MASP1: variants seen among roughly 807,000 people sequenced by gnomAD.
The protein encoded by MASP1 is mannan-binding lectin serine protease 1.
Under a neutral mutation model 77.1 loss-of-function variants are expected in MASP1, and 59 were observed. That is an observed-to-expected ratio of 0.77 (90% CI 0.62 to 0.95). The LOEUF is 0.95. Among genes scored for constraint, MASP1 ranks in the 40% least tolerant of loss-of-function variants. MASP1 has a pLI of 0.00. For missense variants in MASP1, 885 were observed against 912.9 expected (o/e 0.97, Z 0.39); for synonymous variants, 362 against 354.5 (o/e 1.02, Z -0.24).
intron 1 of MASP1, among the ~76,000 whole-genome samples, chr3:187,287,644 T>C (rs945104782): frequency 2.6e-5 from 4 of 152,210 alleles, no homozygotes; most frequent in Admixed American, 6.5e-5. Flanking sequence ...CTAAAGGTGA[T>C]GTATATAAAG....
rs1471127862 is a variant in MASP1 at position 187,234,704 on chromosome 3, C to T, written c.*980G>A. 2.3e-6 allele frequency: 3 copies of T among 1,287,094 alleles called. No individual in the cohort carries two copies. Among genetic ancestry groups the T allele is most frequent in the Non-Finnish European group, 3.0e-6 (3 of 988,704 alleles). The allele number at this position is 1,287,094 out of a possible 1,614,324, so 79.7% of individuals were successfully genotyped here. A position where few individuals can be genotyped will look rare whatever the true frequency, so the allele number is the denominator to read the frequency against. On this transcript the variant is annotated 3_prime_UTR_variant, in exon 11 of 11. Transcript: ENST00000296280. ...GGATTTGGGTGACTTCTAATGTGCCCACCCCACTCTTTCTTCCATTTTCCT... is the reference window on the plus strand; with the variant it reads ...GGATTTGGGTGACTTCTAATGTGCCTACCCCACTCTTTCTTCCATTTTCCT...
At position 187,236,176 on chromosome 3, in the gene MASP1, C is replaced by T. The variant is rs1553852641; in HGVS notation, c.1695G>A (p.Leu565=). Residue 565 remains leucine, a synonymous_variant, in exon 11 of 11, where the codon CTG becomes CTA. Transcript: ENST00000296280. ...ALVQLQEPVP[L]GPHVMPVCLP... ...GGCAGACAGGCATAACGTGGGGTCC[C>T]AGGGGCACAGGCTCCTGCAGCTGCA... 1.2e-6 allele frequency: 2 copies of T among 1,614,100 alleles called. No homozygotes were observed. The highest frequency in any genetic ancestry group is 2.2e-5 in the South Asian group (2 of 91,076).
chr3:187,250,163 C>T, intron 8 of MASP1, 88 bp downstream of exon 8: 1 of 1,094,768 alleles, frequency 9.1e-7, no homozygotes, highest in Non-Finnish European at 1.4e-6. Flanking sequence ...AGTGCTCCTG[C>T]CAAGCTTTCA....
intron 1 of MASP1, among the ~76,000 whole-genome samples, chr3:187,287,083 C>T (rs1005660674): frequency 9.9e-5 from 15 of 152,198 alleles, no homozygotes; most frequent in Admixed American, 9.2e-4. Context: ...AGCATCCTAA[C>T]TGATATCCCC....
At chr3:187,268,505 GA>G (rs1716233803) in intron 2 of MASP1, among the ~76,000 whole-genome samples, 2 of 147,444 alleles carry the variant, frequency 1.4e-5, no homozygotes, top group South Asian at 4.3e-4. Context: ...GAAAAAGAAA[GA>G]AAGAAAGAGA....
At chr3:187,283,741 A>G (rs936222464) in intron 2 of MASP1, among the ~76,000 whole-genome samples, 11 of 152,210 alleles carry the variant, frequency 7.2e-5, no homozygotes, top group African/African-American at 2.2e-4. Context: ...GTCTAAATCC[A>G]TGGAACTTAT....
Position 187,223,274 on chromosome 3 carries a change from C to G in MASP1, c.1742-80G>C. 3.5e-6 allele frequency: 4 copies of G among 1,127,338 alleles called. No homozygotes were observed. In the Admixed American group the frequency reaches 5.1e-5, roughly 15 times the overall value. 69.8% of individuals were successfully genotyped at this position (1,127,338 alleles called of 1,614,324 possible). On this transcript the variant is annotated intron_variant, in intron 13 of 15. Transcript: ENST00000337774. ...GGGGTGCAGCTTGCAGCTCCATCAT[C>G]CTCTTCTGTGGAGGAAAGACTGGAT...
At chr3:187,262,220 T>G (rs754179882) in intron 3 of MASP1, among the ~76,000 whole-genome samples, 2 of 152,190 alleles carry the variant, frequency 1.3e-5, no homozygotes, top group Non-Finnish European at 2.9e-5. Context: ...TATATTCCAT[T>G]TTATGTCAAT....
At chr3:187,224,364 T>C (rs796592383) in intron 13 of MASP1, among the ~76,000 whole-genome samples, 7 of 141,282 alleles carry the variant, frequency 5.0e-5, no homozygotes, top group African/African-American at 1.9e-4. Flanking sequence ...TTTTTTTTTT[T>C]GAGACGGAGT....
rs745444812 is a variant in MASP1 at position 187,235,795 on chromosome 3, G to T, written c.2076C>A (p.Cys692Ter). 6.2e-7 allele frequency: 1 copy of T among 1,613,844 alleles called. No homozygotes were observed. The highest frequency in any genetic ancestry group is 8.5e-7 in the Non-Finnish European group (1 of 1,179,984). ...AGACTCCATAGACCTGCTTGCTGCC[G>T]CATTCTTCAGGTCCCCCCCAGGACA... ...GLVSWGGPEE[C>*]GSKQVYGVYT... Residue 692 changes from cysteine (C) to a stop codon, truncating the protein, a stop_gained, in exon 11 of 11, where the codon TGC becomes TGA. Transcript: ENST00000296280. LOFTEE classifies it high-confidence loss of function.
chr3:187,254,008 A>T (rs1385057628), intron 5 of MASP1, among the ~76,000 whole-genome samples: 3 of 9,208 alleles, frequency 3.3e-4, no homozygotes, highest in South Asian at 3.5e-3. Flanking sequence ...AAGTAAAATT[A>T]AAAAAAAATC....
chr3:187,259,938 A>T (rs1175647345), intron 4 of MASP1, among the ~76,000 whole-genome samples: 1 of 152,202 alleles, frequency 6.6e-6, no homozygotes, highest in Non-Finnish European at 1.5e-5. Context: ...CTGTTTGCAG[A>T]AGCTCTTCTC....
intron 4 of MASP1, among the ~76,000 whole-genome samples, chr3:187,258,800 G>C (rs1715318799): frequency 2.0e-5 from 3 of 152,162 alleles, no homozygotes; most frequent in African/African-American, 7.2e-5. Context: ...GGCTGTTTCT[G>C]TACCTGACTT....
chr3:187,230,231 G>A (rs555892788), downstream of MASP1, among the ~76,000 whole-genome samples: 37 of 152,256 alleles, frequency 2.4e-4, no homozygotes, highest in Middle Eastern at 0.02. Flanking sequence ...TGAGAATTTC[G>A]CTAAACATAT....
chr3:187,231,733 T>G (rs1712778142), downstream of MASP1, among the ~76,000 whole-genome samples: 1 of 152,218 alleles, frequency 6.6e-6, no homozygotes, highest in African/African-American at 2.4e-5. Context: ...AGCTTTGACT[T>G]GAAAGAGCAA....
chr3:187,220,369 G>C (rs1167837460), intron 15 of MASP1: 1 of 980,534 alleles, frequency 1.0e-6, no homozygotes, highest in African/African-American at 1.6e-5. Flanking sequence ...AGAGGGCATA[G>C]CAGACCGTTG....
At chr3:187,220,331 TGG>T in intron 15 of MASP1, 1 of 1,422,530 alleles carries the variant, frequency 7.0e-7, no homozygotes, top group Non-Finnish European at 9.8e-7. Context: ...CTCCCATGTA[TGG>T]GTTGTAGTTC....
intron 2 of MASP1, among the ~76,000 whole-genome samples, chr3:187,267,760 C>T (rs966939732): frequency 1.3e-5 from 2 of 152,202 alleles, no homozygotes; most frequent in Non-Finnish European, 2.9e-5. Flanking sequence ...TGCACTTTGG[C>T]CCCTTAGGTA....
chr3:187,223,930 G>A (rs1712221256), intron 13 of MASP1, among the ~76,000 whole-genome samples: 1 of 152,210 alleles, frequency 6.6e-6, no homozygotes, highest in Non-Finnish European at 1.5e-5. Context: ...GTTTGTAAAT[G>A]AGGCTACAGT....
Sources: allele counts gnomAD v4.1 joint callset (sites outside exome capture counted in the v4.1 genomes callset), GRCh38; gene constraint gnomAD v4.1.1; transcripts MANE v1.5; gene names NCBI Gene and HGNC (gene_info 2026-07-23, HGNC 2026-07-21).